Variants in FATE1 observed in about 807,000 individuals in gnomAD.
FATE1 encodes fetal and adult testis-expressed transcript protein.
FATE1 carries 18 observed loss-of-function variants against 16.0 expected under a neutral mutation model. The observed-to-expected ratio is 1.12, with a 90% confidence interval of 0.78 to 1.66. The LOEUF is 1.66. Ranked by LOEUF, FATE1 falls within the 40% of genes most tolerant of loss-of-function variation. The pLI is 0.00. For synonymous variants in FATE1, 76 were observed against 56.9 expected (o/e 1.34, Z -1.51); for missense variants, 169 against 152.7 (o/e 1.11, Z -0.56).
chrX:151,719,795 C>T (rs1428535371), intron 2 of FATE1, among the ~76,000 whole-genome samples: 6 of 112,213 alleles, frequency 5.3e-5, no homozygotes, highest in African/African-American at 1.6e-4. Flanking sequence ...GAAATTGATC[C>T]ACCTTCAGTT....
At chrX:151,717,771 A>G (rs1014131253) in intron 2 of FATE1, among the ~76,000 whole-genome samples, 2 of 111,583 alleles carry the variant, frequency 1.8e-5, no homozygotes, top group East Asian at 5.6e-4. Context: ...TGAGGCTCCT[A>G]TGCTTTCTGG....
chrX:151,719,624 A>AT (rs757438107), intron 2 of FATE1, among the ~76,000 whole-genome samples: 29 of 112,389 alleles, frequency 2.6e-4, no homozygotes, highest in Non-Finnish European at 1.3e-4. Flanking sequence ...TTTTAATGCA[A>AT]TTTTTGAAGT....
intron 2 of FATE1, among the ~76,000 whole-genome samples, chrX:151,720,603 C>T (rs994214643): frequency 1.8e-5 from 2 of 111,989 alleles, no homozygotes; most frequent in East Asian, 5.6e-4. Context: ...ACTTTCAAAA[C>T]GGGATGATAA....
Position 151,721,887 on chromosome X carries a change from C to CT in FATE1, c.342-10dup, listed in dbSNP as rs775209821. 150 of 1,206,534 alleles carry CT rather than the reference C, an allele frequency of 1.2e-4. 1 individual carries two copies. In the Middle Eastern group the frequency reaches 3.0e-3, roughly 24 times the overall value. ...ACCACCAGCAGCTTTGACCATCTGTCTTTTTTCTCTCCCAGCAACCCAGGG... is the reference window on the plus strand; with the variant it reads ...ACCACCAGCAGCTTTGACCATCTGTCTTTTTTTCTCTCCCAGCAACCCAGGG... On this transcript the variant is annotated splice_polypyrimidine_tract_variant and intron_variant, in intron 3 of 4. Coordinates refer to ENST00000370350, the MANE Select transcript of FATE1 (RefSeq NM_033085.3).
At chrX:151,721,582 A>C in intron 3 of FATE1, 81 bp downstream of exon 3, 5 of 889,255 alleles carry the variant, frequency 5.6e-6, no homozygotes, top group Non-Finnish European at 8.2e-6. Flanking sequence ...CAGCCTGGCC[A>C]GGATGGAGTC....
Position 151,722,855 on chromosome X carries a change from C to T in FATE1, c.*96C>T. ...GCCACTGCCCTTGCCCCTTTCATCT[C>T]CCAGCAGCCCTCAGGAGCGTCAGGA... On this transcript the variant is annotated 3_prime_UTR_variant, in exon 5 of 5. Transcript: ENST00000370350. The T allele has an allele frequency of 9.5e-7, 1 of 1,050,283 alleles. No individual in the cohort carries two copies. Among genetic ancestry groups the T allele is most frequent in the Non-Finnish European group, 1.3e-6 (1 of 783,583 alleles). 86.6% of individuals were successfully genotyped at this position (1,050,283 alleles called of 1,213,427 possible). A position where few individuals can be genotyped will look rare whatever the true frequency, so the allele number is the denominator to read the frequency against.
At chrX:151,716,264 T>C (rs753068567) in intron 1 of FATE1, 39 bp downstream of exon 1, 91 of 1,073,118 alleles carry the variant, frequency 8.5e-5, no homozygotes, top group Non-Finnish European at 1.1e-4. Flanking sequence ...TACAGCCAAC[T>C]GTGTAGATAC....
At chrX:151,716,750 C>T (rs2015064495) in intron 1 of FATE1, among the ~76,000 whole-genome samples, 1 of 111,673 alleles carries the variant, frequency 9.0e-6, no homozygotes, top group South Asian at 3.8e-4. Flanking sequence ...CCCCCAAAGA[C>T]CTTGCATTTG....
intron 2 of FATE1, among the ~76,000 whole-genome samples, chrX:151,718,195 G>A (rs1026660208): frequency 9.6e-6 from 1 of 103,975 alleles, no homozygotes; most frequent in Non-Finnish European, 2.0e-5. Flanking sequence ...GAAAAGGAAA[G>A]AAAGAAAGGA....
At chrX:151,721,599 G>T in intron 3 of FATE1, 98 bp downstream of exon 3, 1 of 729,538 alleles carries the variant, frequency 1.4e-6, no homozygotes, top group Non-Finnish European at 2.1e-6. Flanking sequence ...AGTCATGAGG[G>T]CCTGGAATGC....
At position 151,722,830 on chromosome X, in the gene FATE1, G is replaced by A. The variant is rs2015130903; in HGVS notation, c.*71G>A. 1.2e-5 allele frequency: 13 copies of A among 1,126,061 alleles called. No homozygotes were observed. Among genetic ancestry groups the A allele is most frequent in the Non-Finnish European group, 9.5e-6 (8 of 840,636 alleles). 92.8% of individuals were successfully genotyped at this position (1,126,061 alleles called of 1,213,427 possible). On this transcript the variant is annotated 3_prime_UTR_variant, in exon 5 of 5. Coordinates refer to ENST00000370350, the MANE Select transcript of FATE1 (RefSeq NM_033085.3). ...TCTTTCTTTCCTCTTTCCCCAGGCC[G>A]CCACTGCCCTTGCCCCTTTCATCTC... is the stretch of plus-strand genomic sequence containing the variant.
chrX:151,721,145 C>T (rs909166667), intron 2 of FATE1, among the ~76,000 whole-genome samples: 1 of 112,803 alleles, frequency 8.9e-6, no homozygotes, highest in Non-Finnish European at 1.9e-5. Context: ...ACCCCTGTTA[C>T]TGCTCCTCTT....
intron 2 of FATE1, among the ~76,000 whole-genome samples, chrX:151,718,157 GAAGGAAGGAAGGAAGGGGAAAAGAAA>G (rs2015080449): frequency 1.1e-5 from 1 of 88,510 alleles, no homozygotes; most frequent in African/African-American, 4.1e-5. Flanking sequence ...AGGAAGGAAG[GAAGGAAGGAAGGAAGGGGAAAAGAAA>G]GGAAAAGGAA....
At chrX:151,719,420 T>C (rs894052635) in intron 2 of FATE1, among the ~76,000 whole-genome samples, 9 of 112,091 alleles carry the variant, frequency 8.0e-5, no homozygotes, top group Non-Finnish European at 1.5e-4. Flanking sequence ...AACAACAAAC[T>C]ATGTTATCTG....
At chrX:151,718,245 A>AAGAAAGAAAGAAAGAG (rs1556270329) in intron 2 of FATE1, among the ~76,000 whole-genome samples, 13 of 103,166 alleles carry the variant, frequency 1.3e-4, no homozygotes, top group African/African-American at 3.9e-4. Context: ...GAAAGAGAGA[A>AAGAAAGAAAGAAAGAG]AGAAAGAAAG....
rs144013827 is a variant in FATE1, at chrX:151,719,821, G to A, written c.235-1574G>A. ...ACCTTCAGTTTGATGTTGTTACTTC[G>A]GAACAGAAGAGGGCTGCAGATATTT... On this transcript the variant is annotated intron_variant, in intron 2 of 4. Coordinates refer to ENST00000370350, the MANE Select transcript of FATE1 (RefSeq NM_033085.3). 7.1e-3 allele frequency among the ~76,000 whole-genome samples: 794 copies of A among 111,845 alleles called. 10 individuals carry two copies. The highest frequency in any genetic ancestry group is 0.025 in the African/African-American group (756 of 30,763).
In FATE1 at chrX:151,722,910, C is replaced by G. The variant is rs966598274; in HGVS notation, c.*151C>G. On this transcript the variant is annotated 3_prime_UTR_variant, in exon 5 of 5. Coordinates refer to ENST00000370350, the MANE Select transcript of FATE1 (RefSeq NM_033085.3). ...TTTCAACTCTGGTTAGGCCTCCTAC[C>G]TGGGGAGGCCAGGTCACTGCACTGG... 13 of 734,750 alleles carry G rather than the reference C, an allele frequency of 1.8e-5. No homozygotes were observed. The highest frequency in any genetic ancestry group is 2.5e-5 in the Non-Finnish European group (13 of 520,247). The allele number at this position is 734,750 out of a possible 1,213,427, so 60.6% of individuals were successfully genotyped here.
At chrX:151,717,034 G>A (rs2015066803) in intron 1 of FATE1, among the ~76,000 whole-genome samples, 1 of 111,673 alleles carries the variant, frequency 9.0e-6, no homozygotes, top group South Asian at 3.8e-4. Flanking sequence ...TTGGTCATTG[G>A]TCTCTAGGTT....
intron 2 of FATE1, among the ~76,000 whole-genome samples, chrX:151,719,199 C>A (rs1032949764): frequency 1.8e-5 from 2 of 111,664 alleles, no homozygotes; most frequent in Non-Finnish European, 3.8e-5. Flanking sequence ...TTTACTAATT[C>A]TATTTATTTA....
Sources: gnomAD v4.1 joint callset for allele counts (sites outside exome capture counted in the v4.1 genomes callset) on GRCh38, gnomAD v4.1.1 for gene constraint, MANE v1.5 for transcripts, NCBI Gene and HGNC (gene_info 2026-07-23, HGNC 2026-07-21) for gene names.